METTL25: variants seen among roughly 807,000 people sequenced by gnomAD.
METTL25 encodes the protein methyltransferase like 25.
A neutral mutation model predicts 71.6 loss-of-function variants in METTL25; 64 were observed. The observed-to-expected ratio is 0.89, with a 90% confidence interval of 0.73 to 1.10. The LOEUF (loss-of-function observed/expected upper bound fraction) is 1.10. Among genes scored for constraint, METTL25 ranks in the 50% least tolerant of loss-of-function variants. The probability of loss-of-function intolerance (pLI) is 0.00; values close to 1 mark genes in which losing one functional copy is unlikely to be tolerated. For synonymous variants in METTL25, 287 were observed against 250.3 expected (o/e 1.15, Z -1.38); for missense variants, 807 against 707.0 (o/e 1.14, Z -1.60).
chr12:82,397,482 C>T (rs1886183472), intron 3 of METTL25, among the ~76,000 whole-genome samples: 1 of 151,696 alleles, frequency 6.6e-6, no homozygotes, highest in Non-Finnish European at 1.5e-5. Flanking sequence ...TTTTGTTATT[C>T]CTGATCTTTA....
intron 8 of METTL25, among the ~76,000 whole-genome samples, chr12:82,442,053 C>T (rs761643213): frequency 6.6e-6 from 1 of 152,034 alleles, no homozygotes; most frequent in Non-Finnish European, 1.5e-5. Flanking sequence ...GAGGCCTGCA[C>T]TTCCTACCCA....
chr12:82,403,703 A>G (rs1565834492), intron 5 of METTL25, among the ~76,000 whole-genome samples: 1 of 152,184 alleles, frequency 6.6e-6, no homozygotes, highest in Non-Finnish European at 1.5e-5. Flanking sequence ...GTAGGTTTGC[A>G]AGATTTGAAG....
chr12:82,389,512 G>A (rs1885373778), intron 2 of METTL25, among the ~76,000 whole-genome samples: 1 of 151,804 alleles, frequency 6.6e-6, no homozygotes, highest in Admixed American at 6.6e-5. Flanking sequence ...TTCATTTGGG[G>A]TTTGCCTTTT....
chr12:82,476,094 C>T (rs992508112), intron 9 of METTL25, among the ~76,000 whole-genome samples: 9 of 152,020 alleles, frequency 5.9e-5, no homozygotes, highest in African/African-American at 2.2e-4. Flanking sequence ...CACAATTGAA[C>T]TAGAGAGTGG....
intron 3 of METTL25, among the ~76,000 whole-genome samples, chr12:82,394,015 C>T (rs1039650654): frequency 6.6e-6 from 1 of 152,056 alleles, no homozygotes; most frequent in Admixed American, 6.6e-5. Flanking sequence ...CATTCAGGAG[C>T]ATGTTGTTTC....
chr12:82,452,295 T>A (rs1233388996), intron 8 of METTL25, among the ~76,000 whole-genome samples: 1 of 152,190 alleles, frequency 6.6e-6, no homozygotes, highest in Admixed American at 6.5e-5. Context: ...ATTTTCTGTT[T>A]AAAGATTCTT....
intron 9 of METTL25, among the ~76,000 whole-genome samples, chr12:82,460,981 A>T (rs1181219737): frequency 6.6e-6 from 1 of 152,120 alleles, no homozygotes; most frequent in Admixed American, 6.5e-5. Context: ...ATCTCTACTA[A>T]AACTACAAAA....
chr12:82,419,693 TAAA>T (rs57698458), intron 5 of METTL25, among the ~76,000 whole-genome samples: 2 of 145,248 alleles, frequency 1.4e-5, no homozygotes, highest in African/African-American at 5.1e-5. Context: ...TGACTGCTAT[TAAA>T]AAAAAAAAGC....
At position 82,407,723 on chromosome 12, in the gene METTL25, G is replaced by T. The variant is rs942034408; in HGVS notation, c.1279+4593G>T. 2.8e-5 allele frequency: 20 copies of T among 720,832 alleles called. No individual in the cohort carries two copies. In the African/African-American group the frequency reaches 3.5e-4, roughly 12 times the overall value. The allele number at this position is 720,832 out of a possible 1,614,324, so 44.7% of individuals were successfully genotyped here. A position where few individuals can be genotyped will look rare whatever the true frequency, so the allele number is the denominator to read the frequency against. The stretch of plus-strand genomic sequence containing the variant: ...CGTGAGTACCCTCAAATACTTCGGA[G>T]GTCAAGAAAACAGTTGGAAAGCCAA... On this transcript the variant is annotated intron_variant, in intron 5 of 11. Coordinates refer to ENST00000248306, the MANE Select transcript of METTL25 (RefSeq NM_032230.3).
chr12:82,425,106 A>C (rs1458310655), intron 5 of METTL25, among the ~76,000 whole-genome samples: 3 of 152,062 alleles, frequency 2.0e-5, no homozygotes, highest in Non-Finnish European at 4.4e-5. Context: ...AGGTATAGTT[A>C]GGGGAAGAGT....
intron 5 of METTL25, among the ~76,000 whole-genome samples, chr12:82,415,148 A>T (rs1014848991): frequency 6.6e-6 from 1 of 152,158 alleles, no homozygotes; most frequent in African/African-American, 2.4e-5. Flanking sequence ...ATAGTCATGC[A>T]TAAAAATACC....
At chr12:82,441,292 T>TTTTA (rs1555215669) in intron 8 of METTL25, among the ~76,000 whole-genome samples, 49 of 148,644 alleles carry the variant, frequency 3.3e-4, no homozygotes, top group African/African-American at 1.1e-3. Flanking sequence ...CACTAACATC[T>TTTTA]TATATATATA....
intron 8 of METTL25, among the ~76,000 whole-genome samples, chr12:82,441,872 G>A (rs1159825796): frequency 6.8e-6 from 1 of 146,212 alleles, no homozygotes; most frequent in Non-Finnish European, 1.5e-5. Context: ...TGCCAACAAA[G>A]GCAAAGAAGT....
intron 1 of METTL25, among the ~76,000 whole-genome samples, chr12:82,366,889 T>C (rs1045935794): frequency 6.6e-6 from 1 of 152,192 alleles, no homozygotes; most frequent in Non-Finnish European, 1.5e-5. Flanking sequence ...TAATATTACA[T>C]TATAACAAGA....
chr12:82,470,277 A>G (rs766885012), intron 9 of METTL25, among the ~76,000 whole-genome samples: 8 of 152,164 alleles, frequency 5.3e-5, no homozygotes, highest in Non-Finnish European at 8.8e-5. Context: ...TATTTCATCC[A>G]TGGAAATAAA....
intron 5 of METTL25, 128 bp downstream of exon 5, chr12:82,403,258 GACTT>G (rs1592661949): frequency 3.6e-6 from 3 of 826,976 alleles, no homozygotes; most frequent in East Asian, 5.5e-5. Context: ...GATAACATCT[GACTT>G]ACTTGCACTT....
chr12:82,404,235 A>C (rs1886885737), intron 5 of METTL25, among the ~76,000 whole-genome samples: 1 of 152,062 alleles, frequency 6.6e-6, no homozygotes. Flanking sequence ...AAGAAAGCAA[A>C]TTAGCAAAAA....
rs1207287418 is a variant in METTL25 at position 82,401,845 on chromosome 12, T to C, written c.1132-1138T>C. On this transcript the variant is annotated intron_variant, in intron 4 of 11. Coordinates refer to ENST00000248306, the MANE Select transcript of METTL25 (RefSeq NM_032230.3). ...ACATGATCTTTACATTATCATGGTT[T>C]GAGTGTCATCTGGAAAATTGAGAGG... 2.6e-5 allele frequency among the ~76,000 whole-genome samples: 4 copies of C among 152,084 alleles called. No individual in the cohort carries two copies. In the East Asian group the frequency reaches 7.7e-4, roughly 29 times the overall value.
chr12:82,447,240 T>TTA (rs957533511), intron 8 of METTL25, among the ~76,000 whole-genome samples: 9 of 151,958 alleles, frequency 5.9e-5, no homozygotes, highest in African/African-American at 2.2e-4. Flanking sequence ...TTACACCTAA[T>TTA]TATATATATA....
Sources: gnomAD v4.1 joint callset for allele counts (sites outside exome capture counted in the v4.1 genomes callset) on GRCh38, gnomAD v4.1.1 for gene constraint, MANE v1.5 for transcripts, NCBI Gene and HGNC (gene_info 2026-07-23, HGNC 2026-07-21) for gene names.